Variants in DOCK3 observed in about 807,000 individuals in gnomAD.
DOCK3 encodes the protein dedicator of cytokinesis 3.
DOCK3 carries 60 observed loss-of-function variants against 265.6 expected under a neutral mutation model. That is an observed-to-expected ratio of 0.23 (90% CI 0.18 to 0.28). The LOEUF (loss-of-function observed/expected upper bound fraction) is 0.28, where lower values mean the gene tolerates loss of function less well. Ranked by LOEUF, DOCK3 falls within the 10% of genes least tolerant of loss-of-function variation. DOCK3 has a pLI of 1.00. For missense variants in DOCK3, 1,981 were observed against 2,594.3 expected, an observed-to-expected ratio of 0.76 and a Z score of 5.14; for synonymous variants, 881 against 938.0, an observed-to-expected ratio of 0.94 and a Z score of 1.11.
intron 5 of DOCK3, among the ~76,000 whole-genome samples, chr3:50,959,922 A>G (rs1343139073): frequency 6.6e-6 from 1 of 152,298 alleles, no homozygotes; most frequent in Middle Eastern, 3.4e-3. Context: ...AAGTGATTTC[A>G]TACAGTATGT....
At chr3:51,206,371 C>G (rs893790842) in intron 12 of DOCK3, among the ~76,000 whole-genome samples, 1 of 152,166 alleles carries the variant, frequency 6.6e-6, no homozygotes, top group Non-Finnish European at 1.5e-5. Flanking sequence ...TCCTTATCAT[C>G]TAAGGACTTG....
At chr3:51,133,361 T>C (rs2084648683) in intron 9 of DOCK3, among the ~76,000 whole-genome samples, 1 of 126,536 alleles carries the variant, frequency 7.9e-6, no homozygotes, top group Admixed American at 1.0e-4. Context: ...CCCCACCCTG[T>C]GTCCAAGTGT....
At chr3:50,739,689 A>G (rs954567340) in intron 1 of DOCK3, among the ~76,000 whole-genome samples, 1 of 152,134 alleles carries the variant, frequency 6.6e-6, no homozygotes, top group Non-Finnish European at 1.5e-5. Context: ...AGAAGTATAA[A>G]GAGAATGGGC....
rs113497469 is a variant in DOCK3, at chr3:51,092,417, G to A, written c.746+2033G>A. Among the ~76,000 whole-genome samples the A allele has an allele frequency of 6.2e-3, 951 of 152,256 alleles. 9 individuals are homozygous for A. The highest frequency in any genetic ancestry group is 0.021 in the African/African-American group (892 of 41,554). ...AGCCGCTGGGAAGTTTGAACTGGGC[G>A]GAGCCCACTGCAGCTCAGTAAGGCT... On this transcript the variant is annotated intron_variant, in intron 9 of 52. Transcript: ENST00000266037.
At chr3:50,743,984 C>T (rs368625900) in intron 1 of DOCK3, among the ~76,000 whole-genome samples, 2 of 152,112 alleles carry the variant, frequency 1.3e-5, no homozygotes, top group East Asian at 1.9e-4. Context: ...TAATAGTCCT[C>T]GTAGTGTATG....
At position 50,722,604 on chromosome 3, in the gene DOCK3, C is replaced by T. The variant is rs143686053; in HGVS notation, c.37+47304C>T. ...AGACATGCCATGAAGGAGGATAAAG[C>T]GATTCATAATTAAAAGACAAAATAG... On this transcript the variant is annotated intron_variant, in intron 1 of 52. Coordinates refer to ENST00000266037, the MANE Select transcript of DOCK3 (RefSeq NM_004947.5). Among the ~76,000 whole-genome samples the T allele has an allele frequency of 1.3e-4, 20 of 152,106 alleles. No individual in the cohort carries two copies. In the East Asian group the frequency reaches 3.5e-3, roughly 26 times the overall value.
intron 27 of DOCK3, among the ~76,000 whole-genome samples, chr3:51,301,659 T>G (rs569090481): frequency 6.6e-6 from 1 of 152,216 alleles, no homozygotes; most frequent in African/African-American, 2.4e-5. Context: ...TTTAAATAAC[T>G]TCTTGATTTC....
chr3:50,840,706 A>G (rs1335533276), intron 2 of DOCK3, among the ~76,000 whole-genome samples: 1 of 152,376 alleles, frequency 6.6e-6, no homozygotes, highest in Non-Finnish European at 1.5e-5. Context: ...GTTTCTTAAA[A>G]TACTGTAAAG....
At chr3:51,237,827 T>C (rs144589724) in intron 21 of DOCK3, among the ~76,000 whole-genome samples, 6 of 152,276 alleles carry the variant, frequency 3.9e-5, no homozygotes, top group Admixed American at 6.5e-5. Flanking sequence ...CAGAACTCTG[T>C]CCATCTCCAA....
At chr3:51,131,958 T>C (rs2084574858) in intron 9 of DOCK3, among the ~76,000 whole-genome samples, 1 of 152,152 alleles carries the variant, frequency 6.6e-6, no homozygotes, top group African/African-American at 2.4e-5. Flanking sequence ...TTGCAAGGCA[T>C]TGGTCAAGGG....
At chr3:50,710,440 C>A (rs937946044) in intron 1 of DOCK3, among the ~76,000 whole-genome samples, 7 of 152,062 alleles carry the variant, frequency 4.6e-5, no homozygotes, top group South Asian at 2.1e-4. Context: ...CAGGGAAATG[C>A]AAATCAAAAC....
intron 12 of DOCK3, among the ~76,000 whole-genome samples, chr3:51,179,550 G>A (rs1322002593): frequency 6.6e-6 from 1 of 152,132 alleles, no homozygotes; most frequent in Admixed American, 6.6e-5. Context: ...TGTAAAGCAG[G>A]TATAGATAAA....
At chr3:50,873,419 T>G (rs1053575357) in intron 3 of DOCK3, among the ~76,000 whole-genome samples, 3 of 152,160 alleles carry the variant, frequency 2.0e-5, no homozygotes, top group Admixed American at 2.0e-4. Flanking sequence ...GTATCCAAGA[T>G]GCCAGACAAA....
At chr3:51,296,974 C>A (rs1054978915) in intron 27 of DOCK3, among the ~76,000 whole-genome samples, 1 of 151,638 alleles carries the variant, frequency 6.6e-6, no homozygotes, top group Middle Eastern at 3.4e-3. Flanking sequence ...AAAAATTAGC[C>A]AGGCATGGTG....
intron 9 of DOCK3, among the ~76,000 whole-genome samples, chr3:51,133,627 T>C (rs2084663200): frequency 6.6e-6 from 1 of 152,128 alleles, no homozygotes; most frequent in Admixed American, 6.5e-5. Context: ...TAAACATACA[T>C]GTGCATGTGT....
intron 12 of DOCK3, among the ~76,000 whole-genome samples, chr3:51,167,260 A>G (rs1213386216): frequency 2.0e-5 from 3 of 151,890 alleles, no homozygotes; most frequent in Non-Finnish European, 2.9e-5. Flanking sequence ...AGACTAGTTC[A>G]CTGAGTTTAT....
At chr3:51,363,820 C>T (rs1051203999) in intron 49 of DOCK3, among the ~76,000 whole-genome samples, 44 of 152,220 alleles carry the variant, frequency 2.9e-4, no homozygotes, top group African/African-American at 9.9e-4. Flanking sequence ...ATGAACTCAT[C>T]CTTTTTTATG....
At chr3:51,016,540 T>TC (rs1559943933) in intron 5 of DOCK3, among the ~76,000 whole-genome samples, 12 of 20,380 alleles carry the variant, frequency 5.9e-4, no homozygotes, top group East Asian at 5.1e-3. Context: ...ATATATGATA[T>TC]ATATATTTAT....
intron 5 of DOCK3, among the ~76,000 whole-genome samples, chr3:51,000,718 T>A (rs2078451375): frequency 6.6e-6 from 1 of 152,168 alleles, no homozygotes; most frequent in Non-Finnish European, 1.5e-5. Flanking sequence ...AGTGGCGCGA[T>A]CTTGGCTCAC....
Sources: allele counts gnomAD v4.1 joint callset (sites outside exome capture counted in the v4.1 genomes callset), GRCh38; gene constraint gnomAD v4.1.1; transcripts MANE v1.5; gene names NCBI Gene and HGNC (gene_info 2026-07-23, HGNC 2026-07-21).